The following CADPS variants were observed in gnomAD, a reference collection of about 807,000 sequenced individuals.
CADPS encodes calcium dependent secretion activator.
In CADPS, 57 loss-of-function variants were observed where a neutral mutation model predicts 167.3. The ratio of observed to expected loss-of-function variants is 0.34; its 90% CI spans 0.28 to 0.42. The LOEUF (loss-of-function observed/expected upper bound fraction) is 0.42, where lower values mean the gene tolerates loss of function less well. CADPS is among the 20% of genes least tolerant of loss of function. The pLI is 1.00. For synonymous variants in CADPS, 676 were observed against 635.3 expected, an observed-to-expected ratio of 1.06 and a Z score of -0.96; for missense variants, 1,414 against 1,738.1, an observed-to-expected ratio of 0.81 and a Z score of 3.32.
intron 3 of CADPS, among the ~76,000 whole-genome samples, chr3:62,731,817 A>AG (rs1383316199): frequency 1.1e-5 from 1 of 87,322 alleles, no homozygotes; most frequent in African/African-American, 8.3e-5. Context: ...AAAAAAAAAA[A>AG]AAAAAAAAAA....
At chr3:62,570,823 T>C (rs529431324) in intron 9 of CADPS, 49 bp downstream of exon 9, 1 of 1,224,636 alleles carries the variant, frequency 8.2e-7, no homozygotes, top group African/African-American at 1.5e-5. Context: ...TCATTCATTC[T>C]AGCAAATCTT....
At chr3:62,693,920 A>G (rs574785706) in intron 3 of CADPS, among the ~76,000 whole-genome samples, 2 of 152,056 alleles carry the variant, frequency 1.3e-5, no homozygotes, top group East Asian at 1.9e-4. Context: ...AACCCATTTC[A>G]TTTGTGTTCT....
At chr3:62,775,358 G>A (rs1322819463) in intron 1 of CADPS, among the ~76,000 whole-genome samples, 1 of 151,922 alleles carries the variant, frequency 6.6e-6, no homozygotes, top group Non-Finnish European at 1.5e-5. Flanking sequence ...TGGCCCGTAA[G>A]TGGTTTTATT....
At chr3:62,617,394 T>C (rs1055029177) in intron 6 of CADPS, among the ~76,000 whole-genome samples, 8 of 152,094 alleles carry the variant, frequency 5.3e-5, no homozygotes, top group African/African-American at 1.9e-4. Flanking sequence ...AGATGGGAAG[T>C]TGAAAGCAAT....
chr3:62,657,385 A>G (rs1274640102), intron 4 of CADPS, among the ~76,000 whole-genome samples: 1 of 152,180 alleles, frequency 6.6e-6, no homozygotes, highest in African/African-American at 2.4e-5. Context: ...TAATTAGCTC[A>G]ATAATTTTGG....
Position 62,618,429 on chromosome 3 carries a change from T to C in CADPS, c.1326-25681A>G, listed in dbSNP as rs561341138. On this transcript the variant is annotated intron_variant, in intron 6 of 29. Transcript: ENST00000383710. ...GTTTATGGCCTGAGTGATGGTATCATTGGGACTGCAAGCCTCAGCATCATG... is the reference window on the plus strand; with the variant it reads ...GTTTATGGCCTGAGTGATGGTATCACTGGGACTGCAAGCCTCAGCATCATG... Among the ~76,000 whole-genome samples the C allele has an allele frequency of 3.9e-5, 6 of 152,298 alleles. No individual in the cohort carries two copies. The South Asian group carries it at 6.2e-4, about 16-fold the overall frequency.
chr3:62,505,872 T>C (rs2151423139), intron 17 of CADPS, among the ~76,000 whole-genome samples: 1 of 152,264 alleles, frequency 6.6e-6, no homozygotes, highest in African/African-American at 2.4e-5. Flanking sequence ...CATCAAATAT[T>C]GGTAGAAGGG....
intron 12 of CADPS, among the ~76,000 whole-genome samples, chr3:62,535,809 T>G (rs570815113): frequency 2.6e-5 from 4 of 152,152 alleles, no homozygotes; most frequent in Non-Finnish European, 5.9e-5. Flanking sequence ...TTAAATCATT[T>G]AAATCTAGCT....
intron 6 of CADPS, among the ~76,000 whole-genome samples, chr3:62,622,024 C>T (rs1037689055): frequency 6.6e-6 from 1 of 152,052 alleles, no homozygotes; most frequent in Non-Finnish European, 1.5e-5. Context: ...GTTTCACGTC[C>T]TCTGTGCACC....
At chr3:62,580,595 T>TA (rs200583941) in intron 8 of CADPS, among the ~76,000 whole-genome samples, 81 of 115,672 alleles carry the variant, frequency 7.0e-4, no homozygotes, top group Middle Eastern at 8.4e-3. Flanking sequence ...TAAAAAAAAA[T>TA]AAAAAAAAAA....
intron 22 of CADPS, among the ~76,000 whole-genome samples, chr3:62,480,740 T>C (rs777197514): frequency 5.9e-5 from 9 of 152,212 alleles, no homozygotes; most frequent in Non-Finnish European, 1.0e-4. Context: ...AGAAAAAGCT[T>C]ATCTGGTCCG....
In CADPS at chr3:62,491,458, A is replaced by C; in HGVS notation, c.2907T>G (p.Phe969Leu). 1 of 1,613,972 alleles carries C rather than the reference A, an allele frequency of 6.2e-7. No individual in the cohort carries two copies. The highest frequency in any genetic ancestry group is 8.5e-7 in the Non-Finnish European group (1 of 1,179,980). The change falls in exon 21 of 30, where the codon TTT becomes TTG. Residue 969 changes from phenylalanine (F) to leucine (L), a missense_variant. This residue lies in a region of CADPS where 529 missense variants were observed against 629.6 expected (regional missense o/e 0.84). Coordinates refer to ENST00000383710, the MANE Select transcript of CADPS (RefSeq NM_003716.4). ...RTDYNLCNGK[F>L]HKHLQDLFAP... The stretch of plus-strand genomic sequence containing the variant: ...CAAACAGGTCTTGCAGGTGTTTGTG[A>C]AATTTTCCATTGCACAAATTATCTA...
intron 1 of CADPS, among the ~76,000 whole-genome samples, chr3:62,811,925 T>C (rs1012792118): frequency 3.3e-5 from 5 of 152,226 alleles, no homozygotes; most frequent in Non-Finnish European, 4.4e-5. Flanking sequence ...ACTGCTTTTA[T>C]CTACCTCAGT....
chr3:62,490,246 T>C (rs1484851621), intron 21 of CADPS, among the ~76,000 whole-genome samples: 1 of 152,096 alleles, frequency 6.6e-6, no homozygotes, highest in Non-Finnish European at 1.5e-5. Flanking sequence ...CTTTGCTCCA[T>C]ACTGTTTGCT....
chr3:62,421,594 A>G lies in CADPS; in HGVS notation c.3777+16510T>C, dbSNP rs1224915836. On this transcript the variant is annotated intron_variant, in intron 28 of 29. Transcript: ENST00000383710. This position sits in a 1 kb window ranked among gnomAD's most constrained non-coding sequence, Gnocchi z 4.7. ...GTTATAGACAGTAGTCTTGCTAGAA[A>G]GAGACTTTATTTTAACTTTGATTGG... Among the ~76,000 whole-genome samples the G allele has an allele frequency of 6.6e-6, 1 of 152,238 alleles. No individual in the cohort carries two copies. The highest frequency in any genetic ancestry group is 1.5e-5 in the Non-Finnish European group (1 of 68,042).
At chr3:62,818,197 G>T (rs939284152) in intron 1 of CADPS, among the ~76,000 whole-genome samples, 3 of 152,122 alleles carry the variant, frequency 2.0e-5, no homozygotes, top group Non-Finnish European at 4.4e-5. Flanking sequence ...TACAGTTGAA[G>T]TCTTAGCAAA....
intron 4 of CADPS, among the ~76,000 whole-genome samples, chr3:62,658,149 T>C (rs1462622029): frequency 6.6e-6 from 1 of 152,184 alleles, no homozygotes; most frequent in Non-Finnish European, 1.5e-5. Context: ...AAACGTGGAA[T>C]TAGACAACTC....
intron 3 of CADPS, among the ~76,000 whole-genome samples, chr3:62,730,650 G>T (rs1196349994): frequency 6.6e-6 from 1 of 152,164 alleles, no homozygotes; most frequent in Non-Finnish European, 1.5e-5. Context: ...TACCTTCAGG[G>T]TTGCACCAGA....
chr3:62,714,302 C>T (rs1239232859), intron 3 of CADPS, among the ~76,000 whole-genome samples: 2 of 152,130 alleles, frequency 1.3e-5, no homozygotes, highest in Admixed American at 6.6e-5. Context: ...CATAACTTTG[C>T]ATCATGGTTA....
Sources: gnomAD v4.1 joint callset for allele counts (sites outside exome capture counted in the v4.1 genomes callset) on GRCh38, gnomAD v4.1.1 for gene constraint, gnomAD v4.1.1 regional missense constraint, Gnocchi (gnomAD v3.1) non-coding constraint, MANE v1.5 for transcripts, NCBI Gene and HGNC (gene_info 2026-07-23, HGNC 2026-07-21) for gene names.